SPAG6: variants seen among roughly 807,000 people sequenced by gnomAD.
SPAG6 encodes the protein sperm associated antigen 6.
A neutral mutation model predicts 58.5 loss-of-function variants in SPAG6; 49 were observed. The ratio of observed to expected loss-of-function variants is 0.84; its 90% confidence interval spans 0.67 to 1.06. SPAG6 has a LOEUF of 1.06. SPAG6 is among the 50% of genes least tolerant of loss of function. The pLI is 0.00. For synonymous variants in SPAG6, 233 were observed against 225.6 expected, an observed-to-expected ratio of 1.03 and a Z score of -0.29; for missense variants, 560 against 611.3, an observed-to-expected ratio of 0.92 and a Z score of 0.89.
intron 8 of SPAG6, among the ~76,000 whole-genome samples, 171 bp from the exon 9 acceptor site, chr10:22,400,990 A>G (rs1834397803): frequency 6.6e-6 from 1 of 152,200 alleles, no homozygotes; most frequent in Non-Finnish European, 1.5e-5. Flanking sequence ...TCTATGATAA[A>G]ATCAATCCAA....
rs776198268 is a variant in SPAG6, at chr10:22,378,055, CTTTTTTTT to C, written c.473-8686_473-8679del. Reference sequence around the variant, plus strand: ...TACAGATCTTTTTTTCTTTTCTTTTCTTTTTTTTTTTTTTTTTTTTCTTTTTGAGACAG... The same window carrying C: ...TACAGATCTTTTTTTCTTTTCTTTTCTTTTTTTTTTTTCTTTTTGAGACAG... On this transcript the variant is annotated intron_variant, in intron 4 of 10. Coordinates refer to ENST00000376624, the MANE Select transcript of SPAG6 (RefSeq NM_012443.4). 1.1e-3 allele frequency among the ~76,000 whole-genome samples: 133 copies of C among 123,002 alleles called. 2 individuals are homozygous for C. The South Asian group carries it at 0.029, about 26-fold the overall frequency. 80.7% of individuals were successfully genotyped at this position (123,002 alleles called of 152,430 possible). A position where few individuals can be genotyped will look rare whatever the true frequency, so the allele number is the denominator to read the frequency against.
In SPAG6 at chr10:22,345,525, C is replaced by A; in HGVS notation, c.-87C>A. ...AAGCGGCTCCCGTCGGAGGCCGAGT[C>A]GTCGCCACGATCGCCCCCTTGGTGG... is the stretch of plus-strand genomic sequence containing the variant. On this transcript the variant is annotated 5_prime_UTR_variant, in exon 1 of 11. Transcript: ENST00000376624. The surrounding 1 kb of genome is among the most constrained non-coding windows in gnomAD (Gnocchi z 6.3). The A allele has an allele frequency of 3.4e-6, 4 of 1,170,202 alleles. No homozygotes were observed. The South Asian group carries it at 4.4e-5, about 13-fold the overall frequency. 72.5% of individuals were successfully genotyped at this position (1,170,202 alleles called of 1,614,324 possible). A position where few individuals can be genotyped will look rare whatever the true frequency, so the allele number is the denominator to read the frequency against.
chr10:22,411,298 A>G, intron 10 of SPAG6, 122 bp downstream of exon 10: 1 of 719,386 alleles, frequency 1.4e-6, no homozygotes, highest in Non-Finnish European at 2.2e-6. Flanking sequence ...GCCAATATGT[A>G]CCTTTATTTC....
chr10:22,410,389 C>T (rs555559753), intron 9 of SPAG6, among the ~76,000 whole-genome samples: 2 of 152,134 alleles, frequency 1.3e-5, no homozygotes, highest in African/African-American at 2.4e-5. Flanking sequence ...GTGGTAAGCA[C>T]GTGGATGGTG....
intron 9 of SPAG6, among the ~76,000 whole-genome samples, chr10:22,402,804 A>C (rs1418276154): frequency 3.9e-5 from 6 of 152,238 alleles, no homozygotes; most frequent in Non-Finnish European, 7.3e-5. Flanking sequence ...TTGGGTGCTA[A>C]GAAGGTGACC....
chr10:22,383,688 G>A (rs1834007504), intron 4 of SPAG6, among the ~76,000 whole-genome samples: 1 of 151,470 alleles, frequency 6.6e-6, no homozygotes, highest in African/African-American at 2.4e-5. Context: ...AAGAGGAGAA[G>A]GAAGGAAGGT....
intron 8 of SPAG6, among the ~76,000 whole-genome samples, chr10:22,394,550 C>G (rs1028511683): frequency 2.0e-5 from 3 of 152,106 alleles, no homozygotes; most frequent in African/African-American, 7.2e-5. Context: ...GAAACCATCA[C>G]CACTATCTAA....
intron 2 of SPAG6, among the ~76,000 whole-genome samples, chr10:22,359,120 A>G (rs993705525): frequency 6.6e-6 from 1 of 152,156 alleles, no homozygotes; most frequent in Non-Finnish European, 1.5e-5. Context: ...TAAAGCATGA[A>G]GTTTCTATTA....
chr10:22,398,632 G>A (rs994725281), intron 8 of SPAG6, among the ~76,000 whole-genome samples: 1 of 152,140 alleles, frequency 6.6e-6, no homozygotes, highest in Non-Finnish European at 1.5e-5. Flanking sequence ...GGGAGGCTAA[G>A]GCAGGAGTAT....
intron 3 of SPAG6, among the ~76,000 whole-genome samples, chr10:22,367,355 A>T (rs1416766134): frequency 1.3e-5 from 2 of 152,152 alleles, no homozygotes; most frequent in Non-Finnish European, 2.9e-5. Context: ...TAAAGAAAAT[A>T]TGTCAAATCA....
At chr10:22,346,534 T>G (rs1221696386) in intron 2 of SPAG6, among the ~76,000 whole-genome samples, 3 of 150,958 alleles carry the variant, frequency 2.0e-5, no homozygotes, top group Non-Finnish European at 2.9e-5. Context: ...CTTCTTTTCT[T>G]CTTTCTTCTT....
intron 4 of SPAG6, among the ~76,000 whole-genome samples, chr10:22,381,996 C>A (rs573497972): frequency 2.6e-4 from 40 of 152,240 alleles, no homozygotes; most frequent in African/African-American, 7.0e-4. Flanking sequence ...TAGGAAAAAA[C>A]CAAACAAACC....
intron 4 of SPAG6, among the ~76,000 whole-genome samples, chr10:22,368,934 G>A (rs1041409049): frequency 6.6e-6 from 1 of 152,058 alleles, no homozygotes. Context: ...GGGTGGCAGC[G>A]GGTGGGAGAG....
intron 4 of SPAG6, 86 bp from the exon 5 acceptor site, chr10:22,386,668 T>A (rs1052152475): frequency 2.0e-6 from 2 of 986,874 alleles, no homozygotes; most frequent in African/African-American, 1.6e-5. Flanking sequence ...TCCCCTTTTT[T>A]CTTTGCTGTA....
At chr10:22,406,236 T>A (rs1156949175) in intron 9 of SPAG6, among the ~76,000 whole-genome samples, 3 of 152,212 alleles carry the variant, frequency 2.0e-5, no homozygotes, top group Non-Finnish European at 4.4e-5. Context: ...TGTTAGGGTG[T>A]CAATTTTGGA....
intron 2 of SPAG6, among the ~76,000 whole-genome samples, chr10:22,357,834 G>A (rs191695498): frequency 0.011 from 1,655 of 148,604 alleles, 41 homozygotes; most frequent in African/African-American, 0.039. Context: ...AATATGCAGT[G>A]TTTGGTTTTT....
At chr10:22,383,139 C>T (rs1402952003) in intron 4 of SPAG6, among the ~76,000 whole-genome samples, 1 of 152,154 alleles carries the variant, frequency 6.6e-6, no homozygotes, top group Non-Finnish European at 1.5e-5. Context: ...TTTCTTGGCT[C>T]ACTGCTTTTT....
At chr10:22,393,960 T>A (rs1834237654) in intron 8 of SPAG6, among the ~76,000 whole-genome samples, 1 of 152,214 alleles carries the variant, frequency 6.6e-6, no homozygotes, top group African/African-American at 2.4e-5. Context: ...CAAAGGCATG[T>A]CAGCTTCTGT....
intron 7 of SPAG6, among the ~76,000 whole-genome samples, chr10:22,390,973 C>T (rs1458229114): frequency 6.6e-6 from 1 of 152,140 alleles, no homozygotes; most frequent in African/African-American, 2.4e-5. Context: ...CAGAAAATTA[C>T]ACCTGTACAG....
Sources: gnomAD v4.1 joint callset for allele counts (sites outside exome capture counted in the v4.1 genomes callset) on GRCh38, gnomAD v4.1.1 for gene constraint, Gnocchi (gnomAD v3.1) non-coding constraint, MANE v1.5 for transcripts, NCBI Gene and HGNC (gene_info 2026-07-23, HGNC 2026-07-21) for gene names.